Variants in C19orf47 observed in about 807,000 individuals in gnomAD.
The protein encoded by C19orf47 is chromosome 19 open reading frame 47, also known as uncharacterized protein C19orf47.
Under a neutral mutation model 32.3 loss-of-function variants are expected in C19orf47, and 18 were observed. The observed-to-expected ratio is 0.56, with a 90% CI of 0.39 to 0.83. The LOEUF is 0.83. Ranked by LOEUF, C19orf47 falls within the 40% of genes least tolerant of loss-of-function variation. C19orf47 has a pLI of 0.00. For missense variants in C19orf47, 484 were observed against 531.6 expected, an observed-to-expected ratio of 0.91 and a Z score of 0.88; for synonymous variants, 202 against 211.1, an observed-to-expected ratio of 0.96 and a Z score of 0.37.
At chr19:40,322,432 T>C (rs892698095) in intron 8 of C19orf47, 56 bp from the exon 9 acceptor site, 27 of 1,497,376 alleles carry the variant, frequency 1.8e-5, no homozygotes, top group Non-Finnish European at 2.4e-5. Context: ...CACACATTCA[T>C]GGAGAGCTGC....
intron 2 of C19orf47, among the ~76,000 whole-genome samples, chr19:40,341,264 G>A (rs1297457690): frequency 6.6e-6 from 1 of 151,932 alleles, no homozygotes; most frequent in African/African-American, 2.4e-5. Flanking sequence ...AACCCGGGAG[G>A]TGGAGGCTGC....
intron 5 of C19orf47, among the ~76,000 whole-genome samples, chr19:40,331,581 T>C (rs2077954164): frequency 6.6e-6 from 1 of 151,896 alleles, no homozygotes; most frequent in Non-Finnish European, 1.5e-5. Context: ...GAGGCTACAG[T>C]GAGCTATGAC....
At chr19:40,307,693 A>G in the C19orf47 span, among the ~76,000 whole-genome samples, 1 of 152,148 alleles carries the variant, frequency 6.6e-6, no homozygotes, top group Non-Finnish European at 1.5e-5. Flanking sequence ...TCAACACTGT[A>G]TGCCAGGTAC....
intron 4 of C19orf47, chr19:40,335,044 G>GGGAAGGAGGAAGGGAAGGAGGGAA (rs2078034623): frequency 7.4e-6 from 1 of 135,640 alleles, no homozygotes; most frequent in African/African-American, 3.1e-5. Flanking sequence ...GAAGGAGGGA[G>GGGAAGGAGGAAGGGAAGGAGGGAA]GGAGGGAGGG....
intron 2 of C19orf47, 97 bp downstream of exon 2, chr19:40,341,742 C>T: frequency 6.6e-7 from 1 of 1,505,836 alleles, no homozygotes; most frequent in South Asian, 1.2e-5. Context: ...GCCAGTGACC[C>T]AGTCCTCCCT....
intron 8 of C19orf47, among the ~76,000 whole-genome samples, chr19:40,323,463 C>T (rs943539821): frequency 2.6e-5 from 4 of 152,158 alleles, no homozygotes; most frequent in African/African-American, 7.2e-5. Flanking sequence ...CTGCGGGCCG[C>T]GGCAGGAAGT....
chr19:40,307,429 C>T, the C19orf47 span, among the ~76,000 whole-genome samples: 1 of 152,072 alleles, frequency 6.6e-6, no homozygotes, highest in Admixed American at 6.6e-5. Context: ...GACAGGGTCT[C>T]GTTCTGTCAC....
chr19:40,346,155 CAAA>C (rs111655238), intron 1 of C19orf47, among the ~76,000 whole-genome samples: 4 of 85,678 alleles, frequency 4.7e-5, no homozygotes, highest in African/African-American at 4.4e-5. Context: ...GACTCCATCT[CAAA>C]AAAAAAAAAA....
intron 5 of C19orf47, among the ~76,000 whole-genome samples, chr19:40,330,330 A>G (rs1202388328): frequency 6.6e-6 from 1 of 150,622 alleles, no homozygotes; most frequent in Non-Finnish European, 1.5e-5. Flanking sequence ...CCAGGTTCAC[A>G]CCATTCTCGT....
At chr19:40,301,746 G>C in the C19orf47 span, among the ~76,000 whole-genome samples, 331 of 151,598 alleles carry the variant, frequency 2.2e-3, 1 homozygote, top group African/African-American at 7.7e-3. Flanking sequence ...TTGGGAGGCT[G>C]AGGCAGGAGA....
chr19:40,336,216 T>C lies in C19orf47; in HGVS notation c.116A>G (p.Lys39Arg). 3.7e-6 allele frequency: 6 copies of C among 1,614,236 alleles called. No homozygotes were observed. Among genetic ancestry groups the C allele is most frequent in the Non-Finnish European group, 5.1e-6 (6 of 1,180,036 alleles). Reference sequence around the variant, plus strand: ...CTTATTGAGATCCAGCAGCATGCTCTTCTGAATCCTGCAGGGAAAGGTCAG... The same window carrying C: ...CTTATTGAGATCCAGCAGCATGCTCCTCTGAATCCTGCAGGGAAAGGTCAG... ...AVMFVDNRIQ[K>R]SMLLDLNKEI... The change falls in exon 4 of 9, where the codon AAG (lysine) becomes AGG (arginine). Residue 39 changes from lysine (K) to arginine (R), a missense_variant. By Grantham distance (26) the Lys-to-Arg change is conservative. Transcript: ENST00000683109.
At chr19:40,293,822 AG>A in the C19orf47 span, among the ~76,000 whole-genome samples, 4 of 152,094 alleles carry the variant, frequency 2.6e-5, no homozygotes, top group Non-Finnish European at 5.9e-5. Context: ...CAAAGAACTT[AG>A]AAGCATAGCA....
At chr19:40,327,660 A>G (rs2077862289) in intron 6 of C19orf47, among the ~76,000 whole-genome samples, 1 of 152,138 alleles carries the variant, frequency 6.6e-6, no homozygotes, top group African/African-American at 2.4e-5. Flanking sequence ...GGATGGGTCC[A>G]GCAAAGGCTT....
chr19:40,337,429 A>C (rs962262765), intron 2 of C19orf47, among the ~76,000 whole-genome samples: 2 of 151,650 alleles, frequency 1.3e-5, no homozygotes, highest in Non-Finnish European at 1.5e-5. Context: ...GGTGGGTGTG[A>C]CCCTCAAACT....
At chr19:40,342,041 A>G in intron 1 of C19orf47, 151 bp from the exon 2 acceptor site, 1 of 985,466 alleles carries the variant, frequency 1.0e-6, no homozygotes, top group South Asian at 4.7e-5. Context: ...GCAGGAAGTC[A>G]GCCTGGGACA....
At chr19:40,308,764 TA>T in the C19orf47 span, among the ~76,000 whole-genome samples, 1 of 151,830 alleles carries the variant, frequency 6.6e-6, no homozygotes, top group Non-Finnish European at 1.5e-5. Context: ...ACGCCCAGAA[TA>T]GAACATTTTA....
chr19:40,347,178 T>C lies in C19orf47; in HGVS notation c.-34+1146A>G, dbSNP rs1443923610. Among the ~76,000 whole-genome samples, 30 of 152,284 alleles carry C rather than the reference T, an allele frequency of 2.0e-4. 1 individual carries two copies. The highest frequency in any genetic ancestry group is 1.2e-3 in the East Asian group (6 of 5,186). ...AATGTAATGGGCTGTTCAGTTTCCA[T>C]TGTATTTTACCTGAACTTTTCCTTC... On this transcript the variant is annotated intron_variant, in intron 1 of 8. Transcript: ENST00000683109.
At chr19:40,327,007 CT>C (rs763036518) in intron 6 of C19orf47, among the ~76,000 whole-genome samples, 12,670 of 122,818 alleles carry the variant, frequency 0.1, 331 homozygotes, top group Non-Finnish European at 0.11. Flanking sequence ...CTGATTTTAA[CT>C]TTTTTTTTTT....
chr19:40,317,140 C>T (rs1454610071), downstream of C19orf47, among the ~76,000 whole-genome samples: 1 of 151,972 alleles, frequency 6.6e-6, no homozygotes, highest in Non-Finnish European at 1.5e-5. Flanking sequence ...AGACAAGAGT[C>T]TTGCTCTGTT....
Sources: allele counts gnomAD v4.1 joint callset (sites outside exome capture counted in the v4.1 genomes callset), GRCh38; gene constraint gnomAD v4.1.1; transcripts MANE v1.5; gene names NCBI Gene and HGNC (gene_info 2026-07-23, HGNC 2026-07-21).